The following PDE4D variants were observed in gnomAD, a reference collection of about 807,000 sequenced individuals.
PDE4D encodes the protein 3',5'-cyclic-AMP phosphodiesterase 4D.
Under a neutral mutation model 87.4 loss-of-function variants are expected in PDE4D, and 24 were observed. That is an observed-to-expected ratio of 0.27 (90% CI 0.20 to 0.39). PDE4D has a LOEUF of 0.39. PDE4D is among the 10% of genes least tolerant of loss of function. The probability of loss-of-function intolerance (pLI) is 1.00; values close to 1 mark genes in which losing one functional copy is unlikely to be tolerated. For synonymous variants in PDE4D, 384 were observed against 383.2 expected, an observed-to-expected ratio of 1.00 and a Z score of -0.02; for missense variants, 714 against 1,041.0, an observed-to-expected ratio of 0.69 and a Z score of 4.32.
At chr5:59,262,130 A>G (rs1166169413) in intron 1 of PDE4D, among the ~76,000 whole-genome samples, 1 of 151,930 alleles carries the variant, frequency 6.6e-6, no homozygotes, top group African/African-American at 2.4e-5. Context: ...CTCCTGCCCT[A>G]TAGAAATACT....
At position 60,171,667 on chromosome 5, in the gene PDE4D, G is replaced by T. The variant is rs1050302688; in HGVS notation, c.42+13890C>A. Among the ~76,000 whole-genome samples, 15 of 152,100 alleles carry T rather than the reference G, an allele frequency of 9.9e-5. 1 individual carries two copies. Among genetic ancestry groups the T allele is most frequent in the Admixed American group, 6.6e-4 (10 of 15,264 alleles). On this transcript the variant is annotated intron_variant, in intron 2 of 16. Coordinates refer to the PDE4D transcript ENST00000502484. ...TGACCATCCTCTAATCAGAAATGAA[G>T]TATTTGGGAAGACATGTTCAAAAGG...
In PDE4D at chr5:59,150,157, A is replaced by G. The variant is rs1779275405; in HGVS notation, c.808+30438T>C. ...GTAGTGGTGGTGAAGGTGGAGGAGGAATATGAGGATAAGGATGGTTTTTCT... is the reference window on the plus strand; with the variant it reads ...GTAGTGGTGGTGAAGGTGGAGGAGGGATATGAGGATAAGGATGGTTTTTCT... On this transcript the variant is annotated intron_variant, in intron 5 of 14. Transcript: ENST00000340635. 2.0e-5 allele frequency among the ~76,000 whole-genome samples: 3 copies of G among 152,124 alleles called. No individual in the cohort carries two copies. In the South Asian group the frequency reaches 6.3e-4, roughly 32 times the overall value.
intron 1 of PDE4D, among the ~76,000 whole-genome samples, chr5:60,485,315 G>A (rs750989099): frequency 2.7e-5 from 4 of 150,250 alleles, no homozygotes; most frequent in Non-Finnish European, 4.4e-5. Flanking sequence ...TGGGCAAGCT[G>A]AAGAAATCAA....
intron 1 of PDE4D, among the ~76,000 whole-genome samples, chr5:59,719,628 A>C (rs906796234): frequency 2.6e-5 from 4 of 152,214 alleles, no homozygotes; most frequent in Non-Finnish European, 5.9e-5. Context: ...ACCTTCCACA[A>C]TACTGATCCA....
chr5:59,344,976 T>C (rs1045254538), intron 1 of PDE4D, among the ~76,000 whole-genome samples: 4 of 152,104 alleles, frequency 2.6e-5, no homozygotes, highest in South Asian at 2.1e-4. Context: ...CAACAAACTT[T>C]ATATGCCAGA....
intron 1 of PDE4D, among the ~76,000 whole-genome samples, chr5:59,644,550 T>C (rs1403554512): frequency 6.6e-6 from 1 of 152,236 alleles, no homozygotes; most frequent in East Asian, 1.9e-4. Flanking sequence ...ACAGTCATGC[T>C]GCATTGCTCA....
intron 1 of PDE4D, among the ~76,000 whole-genome samples, chr5:60,219,340 A>T (rs1335578797): frequency 6.6e-6 from 1 of 152,130 alleles, no homozygotes; most frequent in African/African-American, 2.4e-5. Flanking sequence ...TTGCTACTGG[A>T]ATAATCTGTT....
At chr5:60,114,090 T>C (rs1175511704) in intron 2 of PDE4D, among the ~76,000 whole-genome samples, 2 of 152,162 alleles carry the variant, frequency 1.3e-5, no homozygotes, top group Non-Finnish European at 1.5e-5. Context: ...GGGTAACCTA[T>C]GTGGATAATA....
intron 1 of PDE4D, among the ~76,000 whole-genome samples, chr5:59,815,982 A>G (rs1768930767): frequency 6.6e-6 from 1 of 152,228 alleles, no homozygotes; most frequent in Non-Finnish European, 1.5e-5. Context: ...AGAACTGACA[A>G]CAATGTGGAA....
chr5:60,229,989 C>T (rs1001892592), intron 1 of PDE4D, among the ~76,000 whole-genome samples: 1 of 152,078 alleles, frequency 6.6e-6, no homozygotes, highest in African/African-American at 2.4e-5. Flanking sequence ...GCTGAAGGGG[C>T]ATTTTCACTC....
At chr5:59,697,651 T>C (rs1033661784) in intron 1 of PDE4D, among the ~76,000 whole-genome samples, 1 of 152,224 alleles carries the variant, frequency 6.6e-6, no homozygotes, top group Non-Finnish European at 1.5e-5. Context: ...ACACAGGTTG[T>C]GAGCCAAGAT....
chr5:59,219,295 G>A (rs1259929640), intron 1 of PDE4D, among the ~76,000 whole-genome samples: 1 of 151,922 alleles, frequency 6.6e-6, no homozygotes, highest in Non-Finnish European at 1.5e-5. Context: ...AGTAACTTGA[G>A]CATCATTAAT....
chr5:59,282,173 A>C (rs552330497), intron 1 of PDE4D, among the ~76,000 whole-genome samples: 7 of 152,254 alleles, frequency 4.6e-5, no homozygotes, highest in Admixed American at 4.6e-4. Flanking sequence ...CCTGTATTTA[A>C]TCAAGTAGTT....
intron 1 of PDE4D, among the ~76,000 whole-genome samples, chr5:59,269,701 T>G (rs549366593): frequency 2.6e-5 from 4 of 152,080 alleles, no homozygotes; most frequent in Non-Finnish European, 4.4e-5. Flanking sequence ...ACAAACTCAG[T>G]GGCTGTTTTA....
intron 2 of PDE4D, among the ~76,000 whole-genome samples, chr5:59,996,091 T>C (rs1033591365): frequency 3.3e-5 from 5 of 152,244 alleles, no homozygotes; most frequent in Non-Finnish European, 7.3e-5. Context: ...TCTCTCCCCA[T>C]GTTCAAATAT....
chr5:60,225,103 G>A (rs1270807661), intron 1 of PDE4D, among the ~76,000 whole-genome samples: 3 of 151,892 alleles, frequency 2.0e-5, no homozygotes, highest in African/African-American at 7.3e-5. Flanking sequence ...GACTATTATC[G>A]CTGCCTCCTC....
intron 1 of PDE4D, among the ~76,000 whole-genome samples, chr5:59,601,878 T>C (rs987690946): frequency 1.3e-5 from 2 of 152,076 alleles, no homozygotes; most frequent in Non-Finnish European, 2.9e-5. Flanking sequence ...TTCCTCAAAC[T>C]CTTTCAAAAA....
intron 1 of PDE4D, among the ~76,000 whole-genome samples, chr5:60,231,873 T>C (rs1745846798): frequency 6.6e-6 from 1 of 151,958 alleles, no homozygotes; most frequent in Non-Finnish European, 1.5e-5. Flanking sequence ...CTATTAATAT[T>C]TGAAACAGTT....
intron 1 of PDE4D, among the ~76,000 whole-genome samples, chr5:60,401,219 T>A (rs540291493): frequency 6.6e-6 from 1 of 152,118 alleles, no homozygotes; most frequent in Non-Finnish European, 1.5e-5. Context: ...AAGGAGTGGT[T>A]CCAACAAGGA....
Sources: allele counts gnomAD v4.1 joint callset (sites outside exome capture counted in the v4.1 genomes callset), GRCh38; gene constraint gnomAD v4.1.1; transcripts MANE v1.5; gene names NCBI Gene and HGNC (gene_info 2026-07-23, HGNC 2026-07-21).